The following TATDN3 variants were observed in gnomAD, a reference collection of about 807,000 sequenced individuals.
The protein encoded by TATDN3 is deoxyribonuclease TATDN3.
Under a neutral mutation model 40.1 loss-of-function variants are expected in TATDN3, and 29 were observed. The ratio of observed to expected loss-of-function variants is 0.72; its 90% CI spans 0.54 to 0.99. The LOEUF is 0.99. TATDN3 is among the 50% of genes least tolerant of loss of function. The probability of loss-of-function intolerance (pLI) is 0.00; values close to 1 mark genes in which losing one functional copy is unlikely to be tolerated. For missense variants in TATDN3, 309 were observed against 321.9 expected (o/e 0.96, Z 0.31); for synonymous variants, 105 against 117.0 (o/e 0.90, Z 0.66).
At chr1:212,796,740 T>C (rs1571949568) in intron 3 of TATDN3, 150 bp downstream of exon 3, 6 of 307,106 alleles carry the variant, frequency 2.0e-5, no homozygotes, top group Non-Finnish European at 3.2e-5. Flanking sequence ...TACTTATTCC[T>C]TTTTTTTTTC....
At chr1:212,797,774 G>A (rs1172928890) in intron 4 of TATDN3, 1 of 152,314 alleles carries the variant, frequency 6.6e-6, no homozygotes, top group Non-Finnish European at 1.5e-5. Flanking sequence ...TATTATCTTT[G>A]AACATAGAAC....
chr1:212,805,465 AGGCT>A (rs1276484213), intron 7 of TATDN3, among the ~76,000 whole-genome samples: 2 of 152,170 alleles, frequency 1.3e-5, no homozygotes, highest in African/African-American at 4.8e-5. Flanking sequence ...GATGTTGGCC[AGGCT>A]GGTCTTGAAC....
chr1:212,812,712 A>G (rs1043050312), intron 9 of TATDN3, among the ~76,000 whole-genome samples: 4 of 152,146 alleles, frequency 2.6e-5, no homozygotes, highest in Admixed American at 2.6e-4. Flanking sequence ...ACATTAAAAG[A>G]TTATGGTGGG....
At position 212,804,335 on chromosome 1, in the gene TATDN3, T is replaced by C; in HGVS notation, c.337T>C (p.Ser113Pro). Residue 113 changes from serine to proline, a missense_variant, in exon 6 of 10, where the codon TCC becomes CCC. By Grantham distance (74) the Ser-to-Pro change is moderately conservative (BLOSUM62 -1). Coordinates refer to ENST00000366974, the MANE Select transcript of TATDN3 (RefSeq NM_001042552.3). ...LAIGEVGLDF[S>P]PRFAGTGEQK... is the part of the protein sequence containing the mutation. The stretch of plus-strand genomic sequence containing the variant: ...TCTGCTCTAGGTTGGACTAGATTTC[T>C]CCCCCAGATTTGCTGGCACTGGTGA... The C allele has an allele frequency of 6.2e-7, 1 of 1,613,844 alleles. No individual in the cohort carries two copies. The highest frequency in any genetic ancestry group is 8.5e-7 in the Non-Finnish European group (1 of 1,179,806).
At chr1:212,795,049 C>T (rs1307367168) in intron 1 of TATDN3, 46 bp from the exon 2 acceptor site, 2 of 1,491,216 alleles carry the variant, frequency 1.3e-6, no homozygotes, top group East Asian at 4.5e-5. Flanking sequence ...CCAAGATTAG[C>T]TGCTTATTCA....
At chr1:212,801,166 T>C (rs1662154583) in intron 4 of TATDN3, among the ~76,000 whole-genome samples, 1 of 151,738 alleles carries the variant, frequency 6.6e-6, no homozygotes, top group Admixed American at 6.6e-5. Context: ...CACTCCAGCC[T>C]GGGTCACAAA....
chr1:212,800,277 A>G (rs2102445585), intron 4 of TATDN3, among the ~76,000 whole-genome samples: 1 of 152,236 alleles, frequency 6.6e-6, no homozygotes, highest in Middle Eastern at 3.4e-3. Context: ...AGGTAGAGAA[A>G]TGGGTGGATT....
At position 212,815,133 on chromosome 1, in the gene TATDN3, C is replaced by T. The variant is rs1558089665; in HGVS notation, c.802C>T (p.Leu268Phe). 6.2e-7 allele frequency: 1 copy of T among 1,612,218 alleles called. No homozygotes were observed. The highest frequency in any genetic ancestry group is 8.5e-7 in the Non-Finnish European group (1 of 1,179,566). ...GAATGCATTAAAACTGTTTCCTAAG[C>T]TCCGACACTTGCTCCAGAAATAGCT... ...TQNALKLFPK[L>F]RHLLQK The change falls in exon 10 of 10, where the codon CTC becomes TTC. Residue 268 changes from leucine to phenylalanine, a missense_variant. Coordinates refer to ENST00000366974, the MANE Select transcript of TATDN3 (RefSeq NM_001042552.3).
At chr1:212,801,326 T>C (rs1280186861) in intron 4 of TATDN3, among the ~76,000 whole-genome samples, 4 of 152,082 alleles carry the variant, frequency 2.6e-5, no homozygotes, top group African/African-American at 9.7e-5. Flanking sequence ...TGTTTACATC[T>C]ACTAAAATAA....
At chr1:212,802,369 T>C (rs1159116526) in intron 4 of TATDN3, among the ~76,000 whole-genome samples, 2 of 152,192 alleles carry the variant, frequency 1.3e-5, no homozygotes, top group Non-Finnish European at 2.9e-5. Flanking sequence ...TCCCTGGTGG[T>C]TTGCCTCTCT....
chr1:212,805,322 C>A (rs1428564763), intron 7 of TATDN3, among the ~76,000 whole-genome samples: 1 of 152,120 alleles, frequency 6.6e-6, no homozygotes, highest in Admixed American at 6.5e-5. Context: ...GTGGCGCAAT[C>A]TTGGCTCACT....
chr1:212,810,557 T>C (rs1011328600), intron 8 of TATDN3, among the ~76,000 whole-genome samples: 3 of 143,526 alleles, frequency 2.1e-5, no homozygotes, highest in African/African-American at 7.8e-5. Context: ...TGTGGTGGTG[T>C]GTGCCTATAG....
chr1:212,794,973 C>A, intron 1 of TATDN3, 122 bp from the exon 2 acceptor site: 1 of 760,912 alleles, frequency 1.3e-6, no homozygotes. Context: ...CTTTGTTTTC[C>A]ACCACTCCAT....
At chr1:212,799,369 G>A (rs1035668044) in intron 4 of TATDN3, among the ~76,000 whole-genome samples, 7 of 152,172 alleles carry the variant, frequency 4.6e-5, no homozygotes, top group African/African-American at 1.7e-4. Flanking sequence ...GGTAAAAAAT[G>A]AAAAGGGGAA....
At chr1:212,812,801 G>A (rs1025542015) in intron 9 of TATDN3, among the ~76,000 whole-genome samples, 4 of 152,108 alleles carry the variant, frequency 2.6e-5, no homozygotes, top group South Asian at 2.1e-4. Context: ...TCAGGAGTTC[G>A]AGACCAGCTT....
chr1:212,809,093 A>G (rs1374951629), intron 8 of TATDN3, among the ~76,000 whole-genome samples: 1 of 152,242 alleles, frequency 6.6e-6, no homozygotes, highest in Non-Finnish European at 1.5e-5. Context: ...CCTTGAAAAC[A>G]TTATACTAAG....
chr1:212,816,224 G>A lies in TATDN3; in HGVS notation c.*1068G>A, dbSNP rs1232097039. The A allele has an allele frequency of 6.6e-6, 1 of 152,186 alleles. No individual in the cohort carries two copies. 9.4% of individuals were successfully genotyped at this position (152,186 alleles called of 1,614,324 possible). A position where few individuals can be genotyped will look rare whatever the true frequency, so the allele number is the denominator to read the frequency against. ...CCAGGCACAGTGGCATTCACCTGTA[G>A]TGCCAACCACTCAGGAGGCTGAGAT... is the stretch of plus-strand genomic sequence containing the variant. On this transcript the variant is annotated 3_prime_UTR_variant, in exon 10 of 10. Transcript: ENST00000366974.
chr1:212,802,602 G>A, intron 4 of TATDN3, 99 bp from the exon 5 acceptor site: 1 of 796,962 alleles, frequency 1.3e-6, no homozygotes, highest in Non-Finnish European at 2.2e-6. Flanking sequence ...TTAAATGTAT[G>A]TAAAGCACCA....
intron 1 of TATDN3, chr1:212,794,868 T>C: frequency 1.5e-6 from 1 of 647,550 alleles, no homozygotes; most frequent in Admixed American, 2.1e-5. Context: ...AAATACCCTG[T>C]ATATTTGACA....
Sources: gnomAD v4.1 joint callset for allele counts (sites outside exome capture counted in the v4.1 genomes callset) on GRCh38, gnomAD v4.1.1 for gene constraint, MANE v1.5 for transcripts, NCBI Gene and HGNC (gene_info 2026-07-23, HGNC 2026-07-21) for gene names.